The following RPTOR variants were observed in gnomAD, a reference collection of about 807,000 sequenced individuals.
The protein encoded by RPTOR is regulatory-associated protein of mTOR.
In RPTOR, 21 loss-of-function variants were observed where a neutral mutation model predicts 169.9. The ratio of observed to expected loss-of-function variants is 0.12; its 90% CI spans 0.09 to 0.18. The LOEUF (loss-of-function observed/expected upper bound fraction) is 0.18. RPTOR is among the 10% of genes least tolerant of loss of function. The pLI is 1.00. For synonymous variants in RPTOR, 732 were observed against 753.2 expected (o/e 0.97, Z 0.46); for missense variants, 1,133 against 1,855.9 (o/e 0.61, Z 7.16).
At chr17:80,738,181 C>T (rs921559907) in intron 5 of RPTOR, among the ~76,000 whole-genome samples, 14 of 152,336 alleles carry the variant, frequency 9.2e-5, no homozygotes, top group Admixed American at 4.6e-4. Context: ...GAGCAGGCAG[C>T]AGGAGATGCC....
At chr17:80,600,366 C>A (rs1481496657) in intron 1 of RPTOR, among the ~76,000 whole-genome samples, 2 of 152,234 alleles carry the variant, frequency 1.3e-5, no homozygotes, top group African/African-American at 4.8e-5. Flanking sequence ...TTTGGGCCCC[C>A]AGACTTCTGT....
intron 7 of RPTOR, among the ~76,000 whole-genome samples, chr17:80,810,093 A>C (rs542940200): frequency 6.8e-6 from 1 of 147,132 alleles, no homozygotes; most frequent in African/African-American, 2.5e-5. Flanking sequence ...ATAAATAAAT[A>C]AAACAGTCTT....
chr17:80,812,875 T>A (rs935823247), intron 7 of RPTOR, among the ~76,000 whole-genome samples: 1 of 152,254 alleles, frequency 6.6e-6, no homozygotes, highest in Non-Finnish European at 1.5e-5. Flanking sequence ...ATTTGGAATC[T>A]GGTGGGCTCA....
At chr17:80,628,124 C>T (rs750868529) in intron 2 of RPTOR, among the ~76,000 whole-genome samples, 5 of 152,212 alleles carry the variant, frequency 3.3e-5, no homozygotes, top group African/African-American at 7.2e-5. Context: ...AGGCATGAGC[C>T]ACCGTGCCTG....
chr17:80,595,255 A>G (rs1329190045), intron 1 of RPTOR, among the ~76,000 whole-genome samples: 1 of 152,220 alleles, frequency 6.6e-6, no homozygotes, highest in Non-Finnish European at 1.5e-5. Flanking sequence ...ATTGTTTACA[A>G]GGAAATCAAC....
At chr17:80,800,108 G>T (rs77646338) in intron 7 of RPTOR, among the ~76,000 whole-genome samples, 3,442 of 152,304 alleles carry the variant, frequency 0.023, 129 homozygotes, top group East Asian at 0.16. Flanking sequence ...GCTGAGTGTG[G>T]CACAGCACCA....
chr17:80,630,890 C>T (rs1001901932), intron 2 of RPTOR, among the ~76,000 whole-genome samples: 24 of 152,204 alleles, frequency 1.6e-4, no homozygotes, highest in Non-Finnish European at 7.4e-5. Flanking sequence ...AGTTACTCAG[C>T]GCCAGGCTGT....
At chr17:80,790,139 G>A (rs1247866540) in intron 6 of RPTOR, among the ~76,000 whole-genome samples, 1 of 152,216 alleles carries the variant, frequency 6.6e-6, no homozygotes, top group East Asian at 1.9e-4. Context: ...CAGCAGAGGA[G>A]ACCACTCAGA....
At chr17:80,890,158 T>C (rs1257629095) in intron 17 of RPTOR, among the ~76,000 whole-genome samples, 1 of 152,152 alleles carries the variant, frequency 6.6e-6, no homozygotes, top group East Asian at 1.9e-4. Context: ...GACATTCCCC[T>C]TGAATAACAG....
chr17:80,732,162 G>A (rs533161720), intron 5 of RPTOR, among the ~76,000 whole-genome samples: 12 of 148,488 alleles, frequency 8.1e-5, no homozygotes, highest in Admixed American at 6.6e-4. Context: ...AATAAATATC[G>A]CAAAAAAAAG....
intron 7 of RPTOR, among the ~76,000 whole-genome samples, chr17:80,809,901 G>A (rs950977430): frequency 6.6e-6 from 1 of 152,040 alleles, no homozygotes; most frequent in Non-Finnish European, 1.5e-5. Flanking sequence ...GCTGGGTGTG[G>A]TGTCACACAC....
chr17:80,762,246 C>T (rs1222821897), intron 6 of RPTOR, among the ~76,000 whole-genome samples: 3 of 152,218 alleles, frequency 2.0e-5, no homozygotes, highest in South Asian at 2.1e-4. Flanking sequence ...GCTGACTCCC[C>T]GGCTGAACCC....
chr17:80,853,579 C>G (rs567140767), intron 11 of RPTOR, among the ~76,000 whole-genome samples: 12 of 152,278 alleles, frequency 7.9e-5, no homozygotes, highest in African/African-American at 2.9e-4. Flanking sequence ...CCTTGGATGA[C>G]TGGGGCATCG....
chr17:80,696,944 G>A (rs1469518003), intron 3 of RPTOR, among the ~76,000 whole-genome samples: 1 of 152,204 alleles, frequency 6.6e-6, no homozygotes, highest in Non-Finnish European at 1.5e-5. Context: ...CCAACAGATG[G>A]TGGCATGTTA....
chr17:80,620,224 T>C (rs763149466), intron 1 of RPTOR, among the ~76,000 whole-genome samples: 2 of 152,194 alleles, frequency 1.3e-5, no homozygotes, highest in Non-Finnish European at 2.9e-5. Flanking sequence ...AAATTCAAAA[T>C]TAACCTATGG....
chr17:80,632,273 G>T (rs1334389944), intron 2 of RPTOR, among the ~76,000 whole-genome samples: 4 of 152,318 alleles, frequency 2.6e-5, no homozygotes, highest in African/African-American at 9.6e-5. Context: ...CTACAGCAAT[G>T]CTTATGTTAG....
chr17:80,799,889 C>T (rs886542957), intron 7 of RPTOR, among the ~76,000 whole-genome samples: 9 of 152,204 alleles, frequency 5.9e-5, no homozygotes, highest in Middle Eastern at 3.2e-3. Context: ...GTGTTTGTCA[C>T]GCACAGACCT....
chr17:80,568,191 G>A (rs545907337), intron 1 of RPTOR, among the ~76,000 whole-genome samples: 9 of 152,318 alleles, frequency 5.9e-5, no homozygotes, highest in African/African-American at 2.2e-4. Context: ...TTACAGGAAT[G>A]AGCCACTGCA....
At chr17:80,682,488 A>C (rs2065906573) in intron 3 of RPTOR, among the ~76,000 whole-genome samples, 1 of 152,192 alleles carries the variant, frequency 6.6e-6, no homozygotes, top group Admixed American at 6.5e-5. Flanking sequence ...ATGAGTGAGA[A>C]GCAGAGGAGC....
Sources: allele counts gnomAD v4.1 joint callset (sites outside exome capture counted in the v4.1 genomes callset), GRCh38; gene constraint gnomAD v4.1.1; transcripts MANE v1.5; gene names NCBI Gene and HGNC (gene_info 2026-07-23, HGNC 2026-07-21).